NDUFAF2: variants seen among roughly 807,000 people sequenced by gnomAD.
NDUFAF2 encodes NADH dehydrogenase [ubiquinone] 1 alpha subcomplex assembly factor 2.
Under a neutral mutation model 22.8 loss-of-function variants are expected in NDUFAF2, and 13 were observed. The ratio of observed to expected loss-of-function variants is 0.57; its 90% CI spans 0.37 to 0.91. The LOEUF is 0.91. Ranked by LOEUF, NDUFAF2 falls within the 40% of genes least tolerant of loss-of-function variation. NDUFAF2 has a pLI of 0.01. For synonymous variants in NDUFAF2, 53 were observed against 64.2 expected, an observed-to-expected ratio of 0.83 and a Z score of 0.84; for missense variants, 162 against 195.2, an observed-to-expected ratio of 0.83 and a Z score of 1.01.
intron 3 of NDUFAF2, among the ~76,000 whole-genome samples, chr5:61,140,564 T>C (rs1579851608): frequency 6.6e-6 from 1 of 152,252 alleles, no homozygotes; most frequent in Non-Finnish European, 1.5e-5. Context: ...ATGTCCCATA[T>C]AATTTTTAGG....
intron 2 of NDUFAF2, among the ~76,000 whole-genome samples, chr5:61,096,136 C>T (rs868041648): frequency 4.6e-5 from 5 of 107,734 alleles, no homozygotes; most frequent in Admixed American, 1.1e-4. Context: ...CCTGATAGAA[C>T]AAATATTTTT....
In NDUFAF2 at chr5:61,073,187, G is replaced by A. The variant is rs1752323289; in HGVS notation, c.190G>A (p.Ala64Thr). Reference sequence around the variant, plus strand: ...AAATAAAAAAGAAGTAGACTATGAAGCAGGGGATATTCCAACAGAATGGGA... The same window carrying A: ...AAATAAAAAAGAAGTAGACTATGAAACAGGGGATATTCCAACAGAATGGGA... ...AANKKEVDYE[A>T]GDIPTEWEAW... Residue 64 changes from alanine to threonine, a missense_variant, in exon 2 of 4, where the codon GCA becomes ACA. By Grantham distance (58) the Ala-to-Thr change is moderately conservative. This residue lies in a region of NDUFAF2 where 94 missense variants were observed against 85.2 expected (regional missense o/e 1.10). Transcript: ENST00000296597. The A allele has an allele frequency of 5.6e-6, 9 of 1,612,984 alleles. No individual in the cohort carries two copies. Among genetic ancestry groups the A allele is most frequent in the African/African-American group, 5.3e-5 (4 of 74,914 alleles).
intron 2 of NDUFAF2, among the ~76,000 whole-genome samples, chr5:61,095,094 G>T (rs1407808402): frequency 6.6e-6 from 1 of 152,172 alleles, no homozygotes; most frequent in Non-Finnish European, 1.5e-5. Context: ...AAAGATGGCG[G>T]CCTAACTCTC....
chr5:60,947,779 A>G (rs1028695058), intron 1 of NDUFAF2, among the ~76,000 whole-genome samples: 3 of 151,752 alleles, frequency 2.0e-5, no homozygotes, highest in Non-Finnish European at 4.4e-5. Flanking sequence ...AAAAAAAAAA[A>G]AAAACAAGCC....
intron 1 of NDUFAF2, among the ~76,000 whole-genome samples, chr5:60,948,001 A>G (rs1202382129): frequency 6.6e-6 from 1 of 152,118 alleles, no homozygotes; most frequent in Non-Finnish European, 1.5e-5. Flanking sequence ...GACAAAAAAA[A>G]TTGCCCATGC....
At chr5:61,053,717 G>A (rs1752052053) in intron 1 of NDUFAF2, among the ~76,000 whole-genome samples, 1 of 152,138 alleles carries the variant, frequency 6.6e-6, no homozygotes, top group Admixed American at 6.5e-5. Flanking sequence ...GGATCATATG[G>A]AATGGAGTAG....
intron 1 of NDUFAF2, among the ~76,000 whole-genome samples, chr5:61,060,349 C>T (rs1007930559): frequency 6.6e-6 from 1 of 152,066 alleles, no homozygotes; most frequent in African/African-American, 2.4e-5. Context: ...TTTGAAAGCC[C>T]ACAAACCTAA....
intron 1 of NDUFAF2, among the ~76,000 whole-genome samples, chr5:60,950,348 G>A (rs1750527526): frequency 6.6e-6 from 1 of 151,968 alleles, no homozygotes; most frequent in African/African-American, 2.4e-5. Flanking sequence ...CACTATGCCT[G>A]GCTAATTTTT....
chr5:61,027,725 T>C (rs1323456685), intron 1 of NDUFAF2, among the ~76,000 whole-genome samples: 3 of 151,986 alleles, frequency 2.0e-5, no homozygotes, highest in African/African-American at 4.8e-5. Flanking sequence ...CAAAATATAT[T>C]AGCTTAACTA....
intron 3 of NDUFAF2, among the ~76,000 whole-genome samples, chr5:61,130,936 C>T (rs1438535320): frequency 1.3e-5 from 2 of 151,976 alleles, no homozygotes; most frequent in East Asian, 3.9e-4. Flanking sequence ...AGGCTGAAAA[C>T]TGAAGGATAA....
Position 61,118,171 on chromosome 5 carries a change from C to T in NDUFAF2, c.258+19139C>T, listed in dbSNP as rs547757776. 1.4e-3 allele frequency among the ~76,000 whole-genome samples: 209 copies of T among 152,236 alleles called. 2 individuals carry two copies. The highest frequency in any genetic ancestry group is 2.6e-3 in the Admixed American group (39 of 15,286). ...TCAGAAGAAAAGCTTACCCCTTTTC[C>T]GTACTAAATCTTACTATGGTGTCTT... On this transcript the variant is annotated intron_variant, in intron 3 of 3. Coordinates refer to ENST00000296597, the MANE Select transcript of NDUFAF2 (RefSeq NM_174889.5).
intron 3 of NDUFAF2, chr5:61,116,772 G>A (rs921517551): frequency 2.6e-5 from 4 of 152,116 alleles, no homozygotes; most frequent in African/African-American, 9.7e-5. Context: ...TGAGATCCAA[G>A]AAATAAAACT....
At chr5:60,993,821 G>A (rs1266412528) in intron 1 of NDUFAF2, among the ~76,000 whole-genome samples, 1 of 152,152 alleles carries the variant, frequency 6.6e-6, no homozygotes, top group Admixed American at 6.5e-5. Context: ...CTGAGCCCAG[G>A]GCTTTTATGG....
At chr5:61,144,361 C>A (rs1471257912) in intron 3 of NDUFAF2, among the ~76,000 whole-genome samples, 1 of 151,954 alleles carries the variant, frequency 6.6e-6, no homozygotes, top group African/African-American at 2.4e-5. Flanking sequence ...TTACACACAA[C>A]ATAAAAAATA....
chr5:61,066,745 G>A (rs535412263), intron 1 of NDUFAF2, among the ~76,000 whole-genome samples: 1 of 152,002 alleles, frequency 6.6e-6, no homozygotes, highest in African/African-American at 2.4e-5. Context: ...AGTCTAAATG[G>A]TATGTAAATA....
intron 1 of NDUFAF2, among the ~76,000 whole-genome samples, chr5:60,990,623 G>C (rs1467625225): frequency 1.3e-5 from 2 of 152,070 alleles, no homozygotes; most frequent in African/African-American, 4.8e-5. Flanking sequence ...GTTTTCACAT[G>C]AGAGGATTGA....
chr5:60,948,637 T>C (rs528469270), intron 1 of NDUFAF2, among the ~76,000 whole-genome samples: 88 of 152,290 alleles, frequency 5.8e-4, no homozygotes, highest in African/African-American at 2.0e-3. Context: ...CAGTAGTTTA[T>C]TTCTTTTTAA....
chr5:60,994,176 T>G (rs1405986127), intron 1 of NDUFAF2, among the ~76,000 whole-genome samples: 1 of 152,254 alleles, frequency 6.6e-6, no homozygotes, highest in African/African-American at 2.4e-5. Flanking sequence ...GTGCCTGGAC[T>G]CAGTCCCAAA....
At chr5:61,049,863 C>T (rs1379465965) in intron 1 of NDUFAF2, among the ~76,000 whole-genome samples, 3 of 146,928 alleles carry the variant, frequency 2.0e-5, no homozygotes, top group African/African-American at 7.6e-5. Context: ...ATTATATATA[C>T]ACAAATTATG....
Sources: allele counts gnomAD v4.1 joint callset (sites outside exome capture counted in the v4.1 genomes callset), GRCh38; gene constraint gnomAD v4.1.1; regional missense constraint gnomAD v4.1.1; transcripts MANE v1.5; gene names NCBI Gene and HGNC (gene_info 2026-07-23, HGNC 2026-07-21).